The following ADK variants were observed in gnomAD, a reference collection of about 807,000 sequenced individuals.
ADK encodes N6,N6-dimethyladenosine kinase.
Under a neutral mutation model 44.7 loss-of-function variants are expected in ADK, and 24 were observed. The ratio of observed to expected loss-of-function variants is 0.54; its 90% CI spans 0.39 to 0.76. ADK has a LOEUF of 0.76. Among genes scored for constraint, ADK ranks in the 30% least tolerant of loss-of-function variants. The pLI is 0.00. For synonymous variants in ADK, 128 were observed against 142.6 expected (o/e 0.90, Z 0.73); for missense variants, 321 against 425.1 (o/e 0.76, Z 2.15).
intron 3 of ADK, among the ~76,000 whole-genome samples, chr10:74,275,935 C>T (rs1846655546): frequency 6.6e-6 from 1 of 152,150 alleles, no homozygotes; most frequent in South Asian, 2.1e-4. Context: ...ACCACTGTAC[C>T]CAGCCCTTAG....
chr10:74,650,420 G>GTAA (rs1854217605), intron 9 of ADK, among the ~76,000 whole-genome samples: 1 of 152,138 alleles, frequency 6.6e-6, no homozygotes, highest in Non-Finnish European at 1.5e-5. Flanking sequence ...CTCAAAAAAA[G>GTAA]TAATAATAAT....
intron 9 of ADK, among the ~76,000 whole-genome samples, chr10:74,659,741 A>T (rs1354744221): frequency 6.6e-6 from 1 of 152,228 alleles, no homozygotes; most frequent in Non-Finnish European, 1.5e-5. Flanking sequence ...GTTCCAGGGC[A>T]GGAAGCATCC....
In ADK at chr10:74,589,262, C is replaced by CTTTTTTTTTTTTTT; in HGVS notation, c.727-8_727-7insTTTTTTTTTTTTTT. ...ACCGAGCACTTTATAATTAACTGTT[C>CTTTTTTTTTTTTTT]TTTTTTTTTTTTATTTCAGGAAGCT... On this transcript the variant is annotated intron_variant, in intron 7 of 10. Coordinates refer to ENST00000539909, the MANE Select transcript of ADK (RefSeq NM_006721.4). 1 of 1,287,098 alleles carries CTTTTTTTTTTTTTT rather than the reference C, an allele frequency of 7.8e-7. No individual in the cohort carries two copies. Among genetic ancestry groups the CTTTTTTTTTTTTTT allele is most frequent in the Non-Finnish European group, 1.1e-6 (1 of 921,206 alleles). The allele number at this position is 1,287,098 out of a possible 1,614,324, so 79.7% of individuals were successfully genotyped here. A position where few individuals can be genotyped will look rare whatever the true frequency, so the allele number is the denominator to read the frequency against.
chr10:74,263,267 T>C (rs1846106533), intron 3 of ADK, among the ~76,000 whole-genome samples: 1 of 152,230 alleles, frequency 6.6e-6, no homozygotes. Flanking sequence ...TGACAGGCTA[T>C]GCTTCATCAT....
intron 9 of ADK, among the ~76,000 whole-genome samples, chr10:74,658,520 C>G (rs1431286580): frequency 1.3e-5 from 2 of 152,172 alleles, no homozygotes; most frequent in Non-Finnish European, 2.9e-5. Context: ...CAGCCCCAAC[C>G]TCCTGGGCTC....
chr10:74,237,451 G>A (rs7905536), intron 3 of ADK, among the ~76,000 whole-genome samples: 14 of 152,066 alleles, frequency 9.2e-5, no homozygotes, highest in Non-Finnish European at 1.6e-4. Context: ...GTCTTGAAGC[G>A]CTCAAAGTCA....
chr10:74,476,925 TA>T (rs1210637374), intron 6 of ADK, among the ~76,000 whole-genome samples: 51 of 152,190 alleles, frequency 3.4e-4, no homozygotes, highest in Admixed American at 3.3e-3. Context: ...TTTTTTTACT[TA>T]GCAAAATTCA....
chr10:74,503,730 G>A (rs569566008), intron 6 of ADK, among the ~76,000 whole-genome samples: 1 of 152,222 alleles, frequency 6.6e-6, no homozygotes, highest in South Asian at 2.1e-4. Flanking sequence ...TAATTTTTGT[G>A]GAAGGTTTAA....
chr10:74,572,840 G>A (rs914827101), intron 7 of ADK, among the ~76,000 whole-genome samples: 1 of 152,120 alleles, frequency 6.6e-6, no homozygotes, highest in African/African-American at 2.4e-5. Context: ...TCGAGCCTTG[G>A]CTTTCAGCTC....
At chr10:74,475,050 G>A (rs1209768051) in intron 6 of ADK, among the ~76,000 whole-genome samples, 2 of 151,938 alleles carry the variant, frequency 1.3e-5, no homozygotes, top group African/African-American at 2.4e-5. Context: ...GCTTGAACCC[G>A]GGAGGCAGAG....
chr10:74,465,688 A>G (rs1449430496), intron 6 of ADK, among the ~76,000 whole-genome samples: 1 of 152,178 alleles, frequency 6.6e-6, no homozygotes, highest in Non-Finnish European at 1.5e-5. Context: ...TTTAATAGAA[A>G]TTGCTGTTGA....
intron 10 of ADK, among the ~76,000 whole-genome samples, chr10:74,682,052 A>G (rs1207242920): frequency 6.6e-6 from 1 of 152,156 alleles, no homozygotes; most frequent in African/African-American, 2.4e-5. Flanking sequence ...AAAAGATCAC[A>G]CATTAGCTTT....
intron 6 of ADK, among the ~76,000 whole-genome samples, chr10:74,483,252 C>T (rs1268984069): frequency 6.6e-6 from 1 of 152,218 alleles, no homozygotes; most frequent in Non-Finnish European, 1.5e-5. Flanking sequence ...AGGCTTACAG[C>T]TTGCACCCTC....
chr10:74,376,793 T>A (rs1222232140), intron 4 of ADK, among the ~76,000 whole-genome samples: 1 of 141,846 alleles, frequency 7.0e-6, no homozygotes, highest in Non-Finnish European at 1.6e-5. Context: ...TTTTTTTTTT[T>A]AATACTGTCA....
At chr10:74,617,330 A>T (rs187971126) in intron 9 of ADK, among the ~76,000 whole-genome samples, 5 of 152,318 alleles carry the variant, frequency 3.3e-5, no homozygotes, top group Admixed American at 3.3e-4. Context: ...ACTCTATCAG[A>T]TAAAGGAAAT....
chr10:74,602,888 G>C (rs889599778), intron 9 of ADK, among the ~76,000 whole-genome samples: 7 of 152,130 alleles, frequency 4.6e-5, no homozygotes, highest in Admixed American at 1.3e-4. Context: ...GAGAATTAAA[G>C]ATTTTCATTT....
intron 4 of ADK, among the ~76,000 whole-genome samples, chr10:74,325,461 T>G (rs1011683929): frequency 1.3e-5 from 2 of 152,244 alleles, no homozygotes; most frequent in Non-Finnish European, 2.9e-5. Flanking sequence ...CTTTCCAATT[T>G]GTATGCCTTT....
chr10:74,541,453 T>A (rs1277380349), intron 7 of ADK, among the ~76,000 whole-genome samples: 1 of 152,228 alleles, frequency 6.6e-6, no homozygotes, highest in African/African-American at 2.4e-5. Context: ...CACATTTCCT[T>A]CGTCTCTTTA....
intron 6 of ADK, among the ~76,000 whole-genome samples, chr10:74,407,633 A>G (rs1187833021): frequency 6.6e-6 from 1 of 152,092 alleles, no homozygotes; most frequent in Non-Finnish European, 1.5e-5. Flanking sequence ...TTCTTCTCCA[A>G]GCAGCTCTGT....
Sources: gnomAD v4.1 joint callset for allele counts (sites outside exome capture counted in the v4.1 genomes callset) on GRCh38, gnomAD v4.1.1 for gene constraint, MANE v1.5 for transcripts, NCBI Gene and HGNC (gene_info 2026-07-23, HGNC 2026-07-21) for gene names.